The following UBE2R2 variants were observed in gnomAD, a reference collection of about 807,000 sequenced individuals.
The protein encoded by UBE2R2 is ubiquitin conjugating enzyme E2 R2, also known as ubiquitin-conjugating enzyme E2 R2.
In UBE2R2, 1 loss-of-function variant was observed where a neutral mutation model predicts 27.8. The observed-to-expected ratio is 0.04, with a 90% CI of 0.01 to 0.17. UBE2R2 has a LOEUF of 0.17. Ranked by LOEUF, UBE2R2 falls within the 10% of genes least tolerant of loss-of-function variation. The pLI is 1.00. For synonymous variants in UBE2R2, 106 were observed against 113.3 expected, an observed-to-expected ratio of 0.94 and a Z score of 0.41; for missense variants, 100 against 291.0, an observed-to-expected ratio of 0.34 and a Z score of 4.78.
chr9:33,836,145 A>C (rs1820609203), intron 1 of UBE2R2, among the ~76,000 whole-genome samples: 1 of 152,100 alleles, frequency 6.6e-6, no homozygotes, highest in Non-Finnish European at 1.5e-5. Context: ...CTCTACTAAA[A>C]ATATAGAAAA....
At chr9:33,879,750 CTTTTTTTTTTTTTT>C (rs66929161) in intron 1 of UBE2R2, among the ~76,000 whole-genome samples, 2 of 67,364 alleles carry the variant, frequency 3.0e-5, no homozygotes, top group Non-Finnish European at 5.9e-5. Flanking sequence ...GGTCACAAGA[CTTTTTTTTTTTTTT>C]TTTTTTTTTG....
At chr9:33,867,518 C>G (rs1336685343) in intron 1 of UBE2R2, among the ~76,000 whole-genome samples, 1 of 152,132 alleles carries the variant, frequency 6.6e-6, no homozygotes, top group East Asian at 1.9e-4. Context: ...TGTACCTGTT[C>G]TGCATTCCTA....
At chr9:33,901,458 AC>A (rs1394875116) in intron 3 of UBE2R2, among the ~76,000 whole-genome samples, 1 of 152,228 alleles carries the variant, frequency 6.6e-6, no homozygotes, top group East Asian at 1.9e-4. Flanking sequence ...TGCATAGCCC[AC>A]AACTAAGGAG....
At position 33,861,206 on chromosome 9, in the gene UBE2R2, C is replaced by T. The variant is rs181172621; in HGVS notation, c.178-25675C>T. Among the ~76,000 whole-genome samples the T allele has an allele frequency of 4.6e-3, 686 of 150,604 alleles. 6 individuals are homozygous for T. The highest frequency in any genetic ancestry group is 0.016 in the African/African-American group (643 of 41,402). On this transcript the variant is annotated intron_variant, in intron 1 of 4. Coordinates refer to ENST00000263228, the MANE Select transcript of UBE2R2 (RefSeq NM_017811.4). ...CGATCTCCTGACCTCATGATCCGCC[C>T]GCCTCGGCCTCCCAAAGTGCTGGGA...
chr9:33,842,278 G>A (rs2130741076), intron 1 of UBE2R2, among the ~76,000 whole-genome samples: 1 of 152,122 alleles, frequency 6.6e-6, no homozygotes, highest in East Asian at 1.9e-4. Context: ...GTGCACACCT[G>A]TAGTCCCAGA....
rs1283682655 is a variant in UBE2R2, at chr9:33,917,939, G to A, written c.*702G>A. The A allele has an allele frequency of 6.5e-6, 1 of 153,702 alleles. No individual in the cohort carries two copies. Among genetic ancestry groups the A allele is most frequent in the Non-Finnish European group, 1.5e-5 (1 of 68,028 alleles). The allele number at this position is 153,702 out of a possible 1,614,324, so 9.5% of individuals were successfully genotyped here. ...GGAGAGAAATCAGACTTTGTTTTTT[G>A]AAATCGATTGGGATCGAAAGCCTGA... On this transcript the variant is annotated 3_prime_UTR_variant, in exon 5 of 5. Coordinates refer to ENST00000263228, the MANE Select transcript of UBE2R2 (RefSeq NM_017811.4).
chr9:33,842,685 A>G (rs984075564), intron 1 of UBE2R2, among the ~76,000 whole-genome samples: 4 of 152,192 alleles, frequency 2.6e-5, no homozygotes, highest in African/African-American at 4.8e-5. Flanking sequence ...GAGGGAGTAT[A>G]TAGAATTCTG....
chr9:33,831,428 T>C (rs2130726115), intron 1 of UBE2R2, among the ~76,000 whole-genome samples: 1 of 152,236 alleles, frequency 6.6e-6, no homozygotes, highest in Middle Eastern at 3.4e-3. Context: ...TTTTTGTTTG[T>C]TTGTTTGAGA....
intron 1 of UBE2R2, among the ~76,000 whole-genome samples, chr9:33,834,720 G>A (rs2130731175): frequency 6.6e-6 from 1 of 151,958 alleles, no homozygotes; most frequent in East Asian, 1.9e-4. Context: ...AGACCAGCCT[G>A]GCCAACGTGG....
intron 4 of UBE2R2, 133 bp from the exon 5 acceptor site, chr9:33,916,885 G>T: frequency 7.3e-7 from 1 of 1,376,470 alleles, no homozygotes; most frequent in Non-Finnish European, 9.7e-7. Context: ...CAGGGTATCT[G>T]TCAGATGCTT....
intron 1 of UBE2R2, among the ~76,000 whole-genome samples, chr9:33,853,025 T>C (rs1390253643): frequency 2.9e-5 from 3 of 102,172 alleles, no homozygotes; most frequent in Non-Finnish European, 4.0e-5. Flanking sequence ...TAAATGAAAA[T>C]TGTAATTAAT....
intron 1 of UBE2R2, among the ~76,000 whole-genome samples, chr9:33,861,321 A>G (rs977294579): frequency 6.6e-6 from 1 of 150,658 alleles, no homozygotes; most frequent in Non-Finnish European, 1.5e-5. Flanking sequence ...TAATCACAGC[A>G]CTTTGGGAGG....
chr9:33,852,250 G>T (rs921920816), intron 1 of UBE2R2, among the ~76,000 whole-genome samples: 10 of 152,184 alleles, frequency 6.6e-5, no homozygotes. Context: ...GGTTGAGGGT[G>T]CAGTGAGCTA....
At chr9:33,825,900 T>C (rs1309499077) in intron 1 of UBE2R2, among the ~76,000 whole-genome samples, 1 of 152,272 alleles carries the variant, frequency 6.6e-6, no homozygotes, top group South Asian at 2.1e-4. Context: ...CCAGCACTTT[T>C]GGGAGGCGGA....
At chr9:33,851,379 C>T (rs560506863) in intron 1 of UBE2R2, among the ~76,000 whole-genome samples, 1 of 152,244 alleles carries the variant, frequency 6.6e-6, no homozygotes, top group African/African-American at 2.4e-5. Flanking sequence ...TTAGTTTTGT[C>T]AGTTATAATA....
rs536609874 is a variant in UBE2R2, at chr9:33,900,627, G to A, written c.362+356G>A. ...CAATGTTAATTCATTATAAGTAACT[G>A]AAGTCCATACGCTTTCACATTTCCT... is the stretch of plus-strand genomic sequence containing the variant. On this transcript the variant is annotated intron_variant, in intron 3 of 4. Transcript: ENST00000263228. Among the ~76,000 whole-genome samples the A allele has an allele frequency of 7.7e-4, 117 of 152,214 alleles. 1 individual carries two copies. The highest frequency in any genetic ancestry group is 1.5e-3 in the Non-Finnish European group (99 of 68,016).
rs1346070211 is a variant in UBE2R2 at position 33,830,042 on chromosome 9, C to T, written c.177+12108C>T. On this transcript the variant is annotated intron_variant, in intron 1 of 4. Coordinates refer to ENST00000263228, the MANE Select transcript of UBE2R2 (RefSeq NM_017811.4). ...GAACTCCCGACCTCTGGTGATCCGC[C>T]CTCCTCGGCCTCCCAAAGTGCTAGG... is the stretch of plus-strand genomic sequence containing the variant. Among the ~76,000 whole-genome samples, 4 of 152,096 alleles carry T rather than the reference C, an allele frequency of 2.6e-5. No homozygotes were observed. The East Asian group carries it at 7.7e-4, about 29-fold the overall frequency.
intron 3 of UBE2R2, among the ~76,000 whole-genome samples, chr9:33,911,423 A>C (rs557117629): frequency 0.066 from 9,561 of 145,866 alleles, 490 homozygotes; most frequent in Non-Finnish European, 0.11. Context: ...AAAAAAAAAA[A>C]AAAAAAAAAA....
chr9:33,904,571 T>G (rs1011378307), intron 3 of UBE2R2, among the ~76,000 whole-genome samples: 1 of 152,226 alleles, frequency 6.6e-6, no homozygotes, highest in East Asian at 1.9e-4. Context: ...CTTTTGTAAC[T>G]TGAAGAATAA....
Sources: allele counts gnomAD v4.1 joint callset (sites outside exome capture counted in the v4.1 genomes callset), GRCh38; gene constraint gnomAD v4.1.1; transcripts MANE v1.5; gene names NCBI Gene and HGNC (gene_info 2026-07-23, HGNC 2026-07-21).